WBP4: variants seen among roughly 807,000 people sequenced by gnomAD.
The protein encoded by WBP4 is WW domain-binding protein 4.
A neutral mutation model predicts 55.4 loss-of-function variants in WBP4; 37 were observed. The observed-to-expected ratio is 0.67, with a 90% CI of 0.51 to 0.88. The LOEUF is 0.88. Among genes scored for constraint, WBP4 ranks in the 40% least tolerant of loss-of-function variants. WBP4 has a pLI of 0.00. For synonymous variants in WBP4, 142 were observed against 140.2 expected, an observed-to-expected ratio of 1.01 and a Z score of -0.09; for missense variants, 398 against 420.8, an observed-to-expected ratio of 0.95 and a Z score of 0.47.
intron 8 of WBP4, among the ~76,000 whole-genome samples, chr13:41,078,478 T>A (rs1367903766): frequency 3.9e-5 from 6 of 152,174 alleles, no homozygotes; most frequent in Non-Finnish European, 8.8e-5. Context: ...TCTAACCATG[T>A]ACAAAAGTTA....
intron 8 of WBP4, among the ~76,000 whole-genome samples, chr13:41,079,306 C>T (rs1878655182): frequency 6.6e-6 from 1 of 152,068 alleles, no homozygotes; most frequent in African/African-American, 2.4e-5. Context: ...TGCAGTGGCT[C>T]ACACCTGTAA....
At chr13:41,064,967 A>G (rs1048364737) in intron 2 of WBP4, 49 bp from the exon 3 acceptor site, 14 of 1,447,422 alleles carry the variant, frequency 9.7e-6, no homozygotes, top group African/African-American at 2.9e-5. Context: ...TATGAATTTT[A>G]TGATGTTTAT....
At chr13:41,080,287 G>A (rs1404217121) in intron 8 of WBP4, among the ~76,000 whole-genome samples, 5 of 152,072 alleles carry the variant, frequency 3.3e-5, no homozygotes, top group South Asian at 4.2e-4. Flanking sequence ...TAATCTTGCC[G>A]CCTCCCAGAA....
At chr13:41,063,369 G>A (rs1786622893) in intron 2 of WBP4, among the ~76,000 whole-genome samples, 1 of 152,136 alleles carries the variant, frequency 6.6e-6, no homozygotes, top group Non-Finnish European at 1.5e-5. Context: ...TTTTTACTTG[G>A]CAAAGTTGGA....
intron 5 of WBP4, among the ~76,000 whole-genome samples, chr13:41,069,832 C>T (rs146442839): frequency 0.012 from 1,861 of 149,356 alleles, 25 homozygotes; most frequent in African/African-American, 0.033. Flanking sequence ...GAGCCCAGAT[C>T]GCGCCATTTC....
chr13:41,064,411 G>A (rs770207708), intron 2 of WBP4, among the ~76,000 whole-genome samples: 8 of 152,120 alleles, frequency 5.3e-5, no homozygotes, highest in Non-Finnish European at 8.8e-5. Context: ...TACCAGAAAT[G>A]AAATTGCTGT....
chr13:41,080,879 C>G (rs1201831280), intron 9 of WBP4, 70 bp downstream of exon 9: 1 of 1,477,800 alleles, frequency 6.8e-7, no homozygotes, highest in Non-Finnish European at 9.2e-7. Context: ...CCCTAAATTG[C>G]AGTAAGTAAT....
In WBP4 at chr13:41,076,098, CT is replaced by C; in HGVS notation, c.618del (p.Ser207ValfsTer11). ...DFIPHTSDLP[S>X]SKVNENSLGT... ...ATTCCACACACTAGTGATCTGCCTT[CT>C]AGTAAGGTCAATGAAAATTCACTTG... is the stretch of plus-strand genomic sequence containing the variant. On this transcript the variant is annotated frameshift_variant, in exon 8 of 10. Transcript: ENST00000379487. LOFTEE classifies it high-confidence loss of function. The C allele has an allele frequency of 6.2e-7, 1 of 1,613,424 alleles. No individual in the cohort carries two copies. Among genetic ancestry groups the C allele is most frequent in the South Asian group, 1.1e-5 (1 of 91,040 alleles).
chr13:41,073,972 C>G (rs1211598291), intron 7 of WBP4, among the ~76,000 whole-genome samples: 2 of 149,616 alleles, frequency 1.3e-5, no homozygotes, highest in Non-Finnish European at 3.0e-5. Flanking sequence ...TTGCTATCGT[C>G]CAGGCTGGAG....
chr13:41,062,567 T>C, intron 1 of WBP4, 77 bp from the exon 2 acceptor site: 1 of 1,375,244 alleles, frequency 7.3e-7, no homozygotes, highest in Non-Finnish European at 1.0e-6. Context: ...TTTCAAACTT[T>C]AAAAACTGTA....
rs1333487746 is a variant in WBP4 at position 41,083,623 on chromosome 13, C to T, written c.*709C>T. 1 of 152,260 alleles carries T rather than the reference C, an allele frequency of 6.6e-6. No individual in the cohort carries two copies. Among genetic ancestry groups the T allele is most frequent in the East Asian group, 1.9e-4 (1 of 5,206 alleles). 9.4% of individuals were successfully genotyped at this position (152,260 alleles called of 1,614,324 possible). On this transcript the variant is annotated 3_prime_UTR_variant, in exon 10 of 10. Coordinates refer to ENST00000379487, the MANE Select transcript of WBP4 (RefSeq NM_007187.5). ...TGTATTTCTGTTCTTCAGGAGTTCA[C>T]ATTCTAGCATATGCCTTTTTTCCCC...
At chr13:41,062,151 T>G in intron 1 of WBP4, 3 of 946,242 alleles carry the variant, frequency 3.2e-6, no homozygotes, top group Non-Finnish European at 3.7e-6. Context: ...GTCCCATGGC[T>G]TTTCCAGTTC....
chr13:41,062,534 A>C, intron 1 of WBP4, 110 bp from the exon 2 acceptor site: 1 of 959,050 alleles, frequency 1.0e-6, no homozygotes, highest in Non-Finnish European at 1.5e-6. Flanking sequence ...TAACAAGACA[A>C]GATTCAGTAG....
chr13:41,068,418 T>C (rs1878073202), intron 4 of WBP4, 143 bp from the exon 5 acceptor site: 1 of 722,696 alleles, frequency 1.4e-6, no homozygotes, highest in Non-Finnish European at 2.0e-6. Flanking sequence ...TGTTTATTTT[T>C]CCGAATGAAC....
chr13:41,068,484 A>G, intron 4 of WBP4, 77 bp from the exon 5 acceptor site: 2 of 1,350,478 alleles, frequency 1.5e-6, no homozygotes, highest in Non-Finnish European at 2.0e-6. Flanking sequence ...TGATTGGAAT[A>G]ACATTAATGT....
intron 6 of WBP4, 105 bp downstream of exon 6, chr13:41,071,678 C>T (rs1191327420): frequency 8.1e-6 from 8 of 984,186 alleles, no homozygotes; most frequent in Non-Finnish European, 1.2e-5. Flanking sequence ...AAATACTCCA[C>T]TCCCTCCACC....
chr13:41,080,824 C>G lies in WBP4; in HGVS notation c.920+15C>G. ...GTTGAGTCTCAGTAAGTACCTGGAGCTTTAATCCCACTGTTATTACAAGTG... is the reference window on the plus strand; with the variant it reads ...GTTGAGTCTCAGTAAGTACCTGGAGGTTTAATCCCACTGTTATTACAAGTG... On this transcript the variant is annotated intron_variant, in intron 9 of 9. Transcript: ENST00000379487. The G allele has an allele frequency of 6.3e-7, 1 of 1,594,522 alleles. No homozygotes were observed. The highest frequency in any genetic ancestry group is 2.2e-5 in the East Asian group (1 of 44,648).
intron 5 of WBP4, among the ~76,000 whole-genome samples, chr13:41,069,145 T>C (rs929244597): frequency 4.6e-5 from 7 of 152,226 alleles, no homozygotes; most frequent in African/African-American, 1.7e-4. Context: ...CTGATTTCTT[T>C]TTTCTGTAGC....
chr13:41,081,111 C>T (rs748200373), intron 9 of WBP4, among the ~76,000 whole-genome samples: 2 of 152,028 alleles, frequency 1.3e-5, no homozygotes, highest in Non-Finnish European at 2.9e-5. Context: ...GCAGGAGAAT[C>T]GCTTGAACCC....
Sources: gnomAD v4.1 joint callset for allele counts (sites outside exome capture counted in the v4.1 genomes callset) on GRCh38, gnomAD v4.1.1 for gene constraint, MANE v1.5 for transcripts, NCBI Gene and HGNC (gene_info 2026-07-23, HGNC 2026-07-21) for gene names.